The following NR3C1 variants were observed in gnomAD, a reference collection of about 807,000 sequenced individuals.
NR3C1 encodes nuclear receptor subfamily 3 group C member 1.
NR3C1 carries 14 observed loss-of-function variants against 74.0 expected under a neutral mutation model. That is an observed-to-expected ratio of 0.19 (90% CI 0.12 to 0.30). The LOEUF (loss-of-function observed/expected upper bound fraction) is 0.30, where lower values mean the gene tolerates loss of function less well. NR3C1 is among the 10% of genes least tolerant of loss of function. The probability of loss-of-function intolerance (pLI) is 1.00; values close to 1 mark genes in which losing one functional copy is unlikely to be tolerated. For synonymous variants in NR3C1, 308 were observed against 332.5 expected (o/e 0.93, Z 0.80); for missense variants, 695 against 909.8 (o/e 0.76, Z 3.04).
chr5:143,328,349 G>A (rs1825115477), intron 2 of NR3C1, among the ~76,000 whole-genome samples: 2 of 152,270 alleles, frequency 1.3e-5, no homozygotes, highest in Admixed American at 1.3e-4. Context: ...TGTGATGGGA[G>A]GGGCTGCCCC....
intron 8 of NR3C1, 38 bp from the exon 9 acceptor site, chr5:143,282,079 T>C (rs752375745): frequency 5.0e-6 from 8 of 1,612,012 alleles, no homozygotes; most frequent in Middle Eastern, 1.7e-4. Flanking sequence ...GGCTTCCAAA[T>C]TGGTCAGTGG....
Position 143,281,578 on chromosome 5 carries a change from G to C in NR3C1, c.*311C>G. ...TTCATCACACAGACTTTGGGCACTG[G>C]TGGTTTAGGTGCCATCCTTCTTTGA... On this transcript the variant is annotated 3_prime_UTR_variant, in exon 9 of 9. Transcript: ENST00000394464. The C allele has an allele frequency of 3.3e-6, 1 of 304,038 alleles. No individual in the cohort carries two copies. The highest frequency in any genetic ancestry group is 3.4e-5 in the South Asian group (1 of 29,820). The allele number at this position is 304,038 out of a possible 1,614,324, so 18.8% of individuals were successfully genotyped here.
intron 2 of NR3C1, among the ~76,000 whole-genome samples, chr5:143,364,497 T>A (rs1477592688): frequency 6.6e-6 from 1 of 152,148 alleles, no homozygotes; most frequent in African/African-American, 2.4e-5. Flanking sequence ...ACAGTAAAAA[T>A]GCATCTTTTG....
At chr5:143,296,812 C>T (rs1465828605) in intron 6 of NR3C1, among the ~76,000 whole-genome samples, 1 of 152,026 alleles carries the variant, frequency 6.6e-6, no homozygotes, top group African/African-American at 2.4e-5. Context: ...TGCGGTGGCT[C>T]ACACCTGTAA....
intron 6 of NR3C1, among the ~76,000 whole-genome samples, chr5:143,296,400 T>C (rs187492447): frequency 1.3e-5 from 2 of 152,286 alleles, no homozygotes; most frequent in Admixed American, 6.5e-5. Context: ...ACATGACTTA[T>C]ATGCTGCCAA....
chr5:143,385,852 T>G (rs1837111810), intron 2 of NR3C1, among the ~76,000 whole-genome samples: 1 of 152,216 alleles, frequency 6.6e-6, no homozygotes, highest in African/African-American at 2.4e-5. Flanking sequence ...CTCTGCCCAT[T>G]ATCCAGTTAC....
intron 1 of NR3C1, among the ~76,000 whole-genome samples, chr5:143,422,191 T>C (rs1410278917): frequency 1.3e-5 from 2 of 152,202 alleles, no homozygotes; most frequent in Admixed American, 6.5e-5. Flanking sequence ...TCTTGAAGCA[T>C]TGATTTTCAT....
At chr5:143,330,893 G>A (rs1825809088) in intron 2 of NR3C1, among the ~76,000 whole-genome samples, 1 of 152,042 alleles carries the variant, frequency 6.6e-6, no homozygotes, top group South Asian at 2.1e-4. Context: ...AGCAATTAGC[G>A]GGTTCAGTGC....
chr5:143,338,195 A>G (rs1025182086), intron 2 of NR3C1, among the ~76,000 whole-genome samples: 1 of 152,170 alleles, frequency 6.6e-6, no homozygotes, highest in Admixed American at 6.5e-5. Context: ...GTATAAACAA[A>G]CCTACCGTGC....
In NR3C1 at chr5:143,298,736, C is replaced by T; in HGVS notation, c.1824G>A (p.Leu608=). The T allele has an allele frequency of 1.2e-6, 2 of 1,613,930 alleles. No individual in the cohort carries two copies. The highest frequency in any genetic ancestry group is 1.7e-6 in the Non-Finnish European group (2 of 1,179,926). ...TTGATTGTCTATATGATCTCCACCC[C>T]AGAGCAAATGCCATAAGAAACATCC... The part of the protein sequence containing the change: ...YSWMFLMAFA[L]GWRSYRQSSA... Residue 608 remains leucine, a synonymous_variant, in exon 6 of 9, where the codon CTG becomes CTA. Coordinates refer to ENST00000394464, the MANE Select transcript of NR3C1 (RefSeq NM_000176.3).
chr5:143,286,544 G>GT (rs890551219), intron 7 of NR3C1, among the ~76,000 whole-genome samples: 3 of 151,728 alleles, frequency 2.0e-5, no homozygotes, highest in Non-Finnish European at 2.9e-5. Context: ...TATGATAAAA[G>GT]TTTTTTTTGC....
intron 6 of NR3C1, among the ~76,000 whole-genome samples, chr5:143,297,787 T>C (rs982752662): frequency 2.6e-5 from 4 of 152,218 alleles, no homozygotes; most frequent in Non-Finnish European, 4.4e-5. Flanking sequence ...CTCTGCTGTG[T>C]ATCTGGTGAT....
intron 2 of NR3C1, among the ~76,000 whole-genome samples, chr5:143,392,250 C>G (rs1206155405): frequency 6.6e-6 from 1 of 152,150 alleles, no homozygotes; most frequent in East Asian, 1.9e-4. Context: ...CAGGCGTGAG[C>G]CACCGCGCCT....
intron 2 of NR3C1, among the ~76,000 whole-genome samples, chr5:143,363,961 G>A (rs770366511): frequency 6.6e-5 from 10 of 151,826 alleles, no homozygotes; most frequent in Non-Finnish European, 1.0e-4. Flanking sequence ...CAGAAGGAGC[G>A]GAAAGGGGCA....
intron 7 of NR3C1, among the ~76,000 whole-genome samples, chr5:143,284,447 A>T (rs1345892337): frequency 3.6e-5 from 5 of 137,344 alleles, no homozygotes; most frequent in African/African-American, 1.3e-4. Flanking sequence ...GGCATTCTAT[A>T]TTAACAATGG....
chr5:143,354,452 T>C (rs1458060524), intron 2 of NR3C1, among the ~76,000 whole-genome samples: 2 of 152,154 alleles, frequency 1.3e-5, no homozygotes, highest in Non-Finnish European at 2.9e-5. Flanking sequence ...CTTCAACACT[T>C]AGAGGCCACT....
chr5:143,348,093 A>G (rs1454415843), intron 2 of NR3C1, among the ~76,000 whole-genome samples: 1 of 152,158 alleles, frequency 6.6e-6, no homozygotes, highest in African/African-American at 2.4e-5. Flanking sequence ...TGGGCCTCCA[A>G]GGTTTCTTGA....
At chr5:143,341,649 C>G (rs1162682891) in intron 2 of NR3C1, among the ~76,000 whole-genome samples, 1 of 151,968 alleles carries the variant, frequency 6.6e-6, no homozygotes, top group African/African-American at 2.4e-5. Flanking sequence ...ATTTTTTGAC[C>G]ACCAGAAAGT....
chr5:143,388,051 C>T (rs943092113), intron 2 of NR3C1, among the ~76,000 whole-genome samples: 14 of 152,144 alleles, frequency 9.2e-5, no homozygotes, highest in African/African-American at 3.4e-4. Context: ...TATGTTACTG[C>T]CTTGAGCAAG....
Sources: allele counts gnomAD v4.1 joint callset (sites outside exome capture counted in the v4.1 genomes callset), GRCh38; gene constraint gnomAD v4.1.1; transcripts MANE v1.5; gene names NCBI Gene and HGNC (gene_info 2026-07-23, HGNC 2026-07-21).